The following KMT2A variants were observed in gnomAD, a reference collection of about 807,000 sequenced individuals.
KMT2A encodes lysine methyltransferase 2A.
Under a neutral mutation model 345.3 loss-of-function variants are expected in KMT2A, and 16 were observed. The observed-to-expected ratio is 0.05, with a 90% CI of 0.03 to 0.07. The LOEUF (loss-of-function observed/expected upper bound fraction) is 0.07, where lower values mean the gene tolerates loss of function less well. Ranked by LOEUF, KMT2A falls within the 10% of genes least tolerant of loss-of-function variation. The probability of loss-of-function intolerance (pLI) is 1.00; values close to 1 mark genes in which losing one functional copy is unlikely to be tolerated. For synonymous variants in KMT2A, 1,599 were observed against 1,778.6 expected (o/e 0.90, Z 2.54); for missense variants, 3,272 against 4,841.6 (o/e 0.68, Z 9.62).
intron 27 of KMT2A, among the ~76,000 whole-genome samples, chr11:118,507,063 G>A (rs1555048742): frequency 1.3e-5 from 2 of 152,194 alleles, no homozygotes; most frequent in Admixed American, 1.3e-4. Context: ...TTGGAAGGCT[G>A]AGGCAGAAGG....
At position 118,506,543 on chromosome 11, in the gene KMT2A, G is replaced by A. The variant is rs782479498; in HGVS notation, c.10651G>A (p.Asp3551Asn). Reference protein sequence around the residue: ...PKTKRFQLPLDKGNGKKHKVS... With the variant: ...PKTKRFQLPLNKGNGKKHKVS... ...AACCAAACGGTTTCAGCTGCCTCTA[G>A]ACAAAGGGAATGGCAAGAAGCACAA... The change falls in exon 27 of 36, where the codon GAC becomes AAC. Residue 3551 changes from aspartate (D) to asparagine (N), a missense_variant. Asp to Asn is a conservative substitution (Grantham distance 23, BLOSUM62 1). Coordinates refer to ENST00000534358, the MANE Select transcript of KMT2A (RefSeq NM_001197104.2). The A allele has an allele frequency of 6.2e-7, 1 of 1,614,070 alleles. No homozygotes were observed. Among genetic ancestry groups the A allele is most frequent in the African/African-American group, 1.3e-5 (1 of 74,924 alleles).
rs1205436187 is a variant in KMT2A at position 118,521,131 on chromosome 11, G to C, written c.11514-157G>C. The C allele has an allele frequency of 7.8e-6, 6 of 768,320 alleles. No individual in the cohort carries two copies. The Middle Eastern group carries it at 1.2e-3, about 148-fold the overall frequency. The allele number at this position is 768,320 out of a possible 1,614,324, so 47.6% of individuals were successfully genotyped here. A position where few individuals can be genotyped will look rare whatever the true frequency, so the allele number is the denominator to read the frequency against. On this transcript the variant is annotated intron_variant, in intron 34 of 35. Transcript: ENST00000534358. This position sits in a 1 kb window ranked among gnomAD's most constrained non-coding sequence, Gnocchi z 5.3. ...GGAAATAACTTTCATCTTTGGCCAT[G>C]TGTTAGATGGCCAAATCAAGTGGGT...
At position 118,492,066 on chromosome 11, in the gene KMT2A, A is replaced by G; in HGVS notation, c.5004+138A>G. On this transcript the variant is annotated intron_variant, in intron 15 of 35. Coordinates refer to ENST00000534358, the MANE Select transcript of KMT2A (RefSeq NM_001197104.2). ...CTATAACCATTAGGAAAATATTTAG[A>G]GCCAAGAATAGGACCTTCTTTAGCG... 1.1e-5 allele frequency: 7 copies of G among 629,366 alleles called. No homozygotes were observed. The South Asian group carries it at 1.4e-4, about 13-fold the overall frequency. The allele number at this position is 629,366 out of a possible 1,614,324, so 39.0% of individuals were successfully genotyped here.
At position 118,504,256 on chromosome 11, in the gene KMT2A, T is replaced by C; in HGVS notation, c.8364T>C (p.Ser2788=). 1.2e-6 allele frequency: 2 copies of C among 1,614,206 alleles called. No homozygotes were observed. Among genetic ancestry groups the C allele is most frequent in the Non-Finnish European group, 1.7e-6 (2 of 1,180,048 alleles). ...KNEPKMDNCH[S]VSRVKTQGQD... is the part of the protein sequence containing the mutation. The stretch of plus-strand genomic sequence containing the variant: ...AGCCAAAGATGGATAACTGCCATTC[T>C]GTAAGCAGAGTTAAAACACAGGGAC... Residue 2788 remains serine (S), a synonymous_variant, in exon 27 of 36, where the codon TCT becomes TCC. Coordinates refer to ENST00000534358, the MANE Select transcript of KMT2A (RefSeq NM_001197104.2). This position sits in a 1 kb window ranked among gnomAD's most constrained non-coding sequence, Gnocchi z 6.4.
At position 118,503,525 on chromosome 11, in the gene KMT2A, A is replaced by T. The variant is rs2134393247; in HGVS notation, c.7633A>T (p.Ser2545Cys). 1 of 1,614,210 alleles carries T rather than the reference A, an allele frequency of 6.2e-7. No individual in the cohort carries two copies. Among genetic ancestry groups the T allele is most frequent in the Admixed American group, 1.7e-5 (1 of 60,028 alleles). Residue 2545 changes from serine to cysteine, a missense_variant, in exon 27 of 36, where the codon AGT becomes TGT. Around this residue, in one of 27 missense-constraint regions of KMT2A, gnomAD observed 445 missense variants for 500.9 expected, o/e 0.89. Coordinates refer to ENST00000534358, the MANE Select transcript of KMT2A (RefSeq NM_001197104.2). The surrounding 1 kb of genome is among the most constrained non-coding windows in gnomAD (Gnocchi z 5.3). ...ESQSKNALKESSPASPLQIES... is the reference protein window; with the variant it reads ...ESQSKNALKECSPASPLQIES... ...TCAATCCAAAAATGCCCTGAAAGAAAGTAGTCCTGCTTCCCCTTTGCAAAT... is the reference window on the plus strand; with the variant it reads ...TCAATCCAAAAATGCCCTGAAAGAATGTAGTCCTGCTTCCCCTTTGCAAAT...
At position 118,519,093 on chromosome 11, in the gene KMT2A, A is replaced by G. The variant is rs550854430; in HGVS notation, c.11147-525A>G. On this transcript the variant is annotated intron_variant, in intron 31 of 35. Coordinates refer to ENST00000534358, the MANE Select transcript of KMT2A (RefSeq NM_001197104.2). ...ACTCCATCTCAAAAAAAAAAAAAAAAAAAAAAGAAAATTAAACTTTAGTGA... is the reference window on the plus strand; with the variant it reads ...ACTCCATCTCAAAAAAAAAAAAAAAGAAAAAAGAAAATTAAACTTTAGTGA... 5.8e-3 allele frequency among the ~76,000 whole-genome samples: 871 copies of G among 151,320 alleles called. 15 individuals carry two copies. The highest frequency in any genetic ancestry group is 0.021 in the African/African-American group (848 of 41,228).
At chr11:118,512,452 T>A (rs1333201010) in intron 31 of KMT2A, 1 of 175,780 alleles carries the variant, frequency 5.7e-6, no homozygotes, top group Admixed American at 6.0e-5. Flanking sequence ...TTCTGTTACA[T>A]CTTCCCTTCC....
chr11:118,468,896 T>C (rs782156703), intron 2 of KMT2A, 52 bp downstream of exon 2: 10 of 1,435,578 alleles, frequency 7.0e-6, no homozygotes, highest in Non-Finnish European at 8.8e-6. Flanking sequence ...GTTAGGAGAT[T>C]GTGGCTTCCT....
At position 118,498,115 on chromosome 11, in the gene KMT2A, C is replaced by T. The variant is rs1377920508; in HGVS notation, c.5802+42C>T. 6.2e-7 allele frequency: 1 copy of T among 1,602,596 alleles called. No individual in the cohort carries two copies. The highest frequency in any genetic ancestry group is 8.5e-7 in the Non-Finnish European group (1 of 1,171,594). On this transcript the variant is annotated intron_variant, in intron 21 of 35. Coordinates refer to ENST00000534358, the MANE Select transcript of KMT2A (RefSeq NM_001197104.2). This position sits in a 1 kb window ranked among gnomAD's most constrained non-coding sequence, Gnocchi z 4.4. ...AAATTTTATGAAAGAGATTCCCTCT[C>T]AGTTTCCAGATATTCTTCCTGTGGG...
At chr11:118,507,687 G>T in intron 28 of KMT2A, 78 bp downstream of exon 28, 2 of 1,196,124 alleles carry the variant, frequency 1.7e-6, no homozygotes, top group South Asian at 1.3e-5. Flanking sequence ...CTTCCAGGCC[G>T]GGCGCAGTGG....
At chr11:118,449,355 C>G (rs1318507863) in intron 1 of KMT2A, 2 of 151,176 alleles carry the variant, frequency 1.3e-5, no homozygotes, top group African/African-American at 2.4e-5. Flanking sequence ...GCCAGGAGTT[C>G]AAGACTAGCC....
Position 118,491,648 on chromosome 11 carries a change from A to G in KMT2A, c.4820-96A>G. ...TTAAAATCTTAATGTGGTTCCCAAC[A>G]TATGGCTTTATAGTAAGTTCAGTGG... On this transcript the variant is annotated intron_variant, in intron 14 of 35. Coordinates refer to ENST00000534358, the MANE Select transcript of KMT2A (RefSeq NM_001197104.2). This position sits in a 1 kb window ranked among gnomAD's most constrained non-coding sequence, Gnocchi z 4.2. 2 of 954,372 alleles carry G rather than the reference A, an allele frequency of 2.1e-6. No homozygotes were observed. Among genetic ancestry groups the G allele is most frequent in the Non-Finnish European group, 3.1e-6 (2 of 642,822 alleles). The allele number at this position is 954,372 out of a possible 1,614,324, so 59.1% of individuals were successfully genotyped here.
intron 31 of KMT2A, among the ~76,000 whole-genome samples, chr11:118,515,060 C>T (rs1555051250): frequency 6.6e-6 from 1 of 152,232 alleles, no homozygotes; most frequent in Admixed American, 6.5e-5. Flanking sequence ...AGCCACTGTG[C>T]CCGGCCCATC....
intron 1 of KMT2A, chr11:118,450,293 T>C (rs1264682603): frequency 2.0e-5 from 3 of 152,164 alleles, no homozygotes; most frequent in African/African-American, 7.2e-5. Flanking sequence ...AAGTAGTGCA[T>C]TCATTTTGCT....
At chr11:118,489,995 T>G (rs1950300071) in intron 12 of KMT2A, 108 bp downstream of exon 12, 1 of 1,421,140 alleles carries the variant, frequency 7.0e-7, no homozygotes, top group South Asian at 1.2e-5. Flanking sequence ...TATGACAATC[T>G]TTTTGCCTCA....
At position 118,498,633 on chromosome 11, in the gene KMT2A, C is replaced by A. The variant is rs2134369702; in HGVS notation, c.5961+105C>A. 1 of 1,126,466 alleles carries A rather than the reference C, an allele frequency of 8.9e-7. No individual in the cohort carries two copies. The highest frequency in any genetic ancestry group is 1.2e-6 in the Non-Finnish European group (1 of 802,818). The allele number at this position is 1,126,466 out of a possible 1,614,324, so 69.8% of individuals were successfully genotyped here. ...GAAGGTACAGAGATTTCCCATATGC[C>A]CCCTGCACCCACATATGCACAGCCT... On this transcript the variant is annotated intron_variant, in intron 22 of 35. Coordinates refer to ENST00000534358, the MANE Select transcript of KMT2A (RefSeq NM_001197104.2). This position sits in a 1 kb window ranked among gnomAD's most constrained non-coding sequence, Gnocchi z 4.4.
chr11:118,509,057 G>A (rs1591290876), intron 28 of KMT2A, 79 bp from the exon 29 acceptor site: 1 of 1,201,084 alleles, frequency 8.3e-7, no homozygotes, highest in Non-Finnish European at 1.2e-6. Context: ...GTATACCACA[G>A]CTGTATAGAA....
chr11:118,442,227 C>A (rs1474447249), intron 1 of KMT2A, among the ~76,000 whole-genome samples: 1 of 152,154 alleles, frequency 6.6e-6, no homozygotes, highest in African/African-American at 2.4e-5. Flanking sequence ...GTGGCATAGA[C>A]CTTTGAGAAG....
Position 118,506,567 on chromosome 11 carries a change from A to G in KMT2A, c.10675A>G (p.Lys3559Glu). The change falls in exon 27 of 36, where the codon AAA becomes GAA. Residue 3559 changes from lysine (K) to glutamate (E), a missense_variant. Transcript: ENST00000534358. Reference protein sequence around the residue: ...PLDKGNGKKHKVSHLRTSSSE... With the variant: ...PLDKGNGKKHEVSHLRTSSSE... Reference sequence around the variant, plus strand: ...AGACAAAGGGAATGGCAAGAAGCACAAAGTTTCCCATTTGCGGACCAGTTC... The same window carrying G: ...AGACAAAGGGAATGGCAAGAAGCACGAAGTTTCCCATTTGCGGACCAGTTC... 6.2e-7 allele frequency: 1 copy of G among 1,614,174 alleles called. No homozygotes were observed. Among genetic ancestry groups the G allele is most frequent in the South Asian group, 1.1e-5 (1 of 91,082 alleles).
Sources: allele counts gnomAD v4.1 joint callset (sites outside exome capture counted in the v4.1 genomes callset), GRCh38; gene constraint gnomAD v4.1.1; regional missense constraint gnomAD v4.1.1; non-coding constraint Gnocchi (gnomAD v3.1); transcripts MANE v1.5; gene names NCBI Gene and HGNC (gene_info 2026-07-23, HGNC 2026-07-21).